CLSTN2: variants seen among roughly 807,000 people sequenced by gnomAD.
The protein encoded by CLSTN2 is calsyntenin 2, also known as calsyntenin-2.
Under a neutral mutation model 101.2 loss-of-function variants are expected in CLSTN2, and 48 were observed. That is an observed-to-expected ratio of 0.47 (90% CI 0.38 to 0.60). The LOEUF (loss-of-function observed/expected upper bound fraction) is 0.60, where lower values mean the gene tolerates loss of function less well. Among genes scored for constraint, CLSTN2 ranks in the 20% least tolerant of loss-of-function variants. The probability of loss-of-function intolerance (pLI) is 0.00; values close to 1 mark genes in which losing one functional copy is unlikely to be tolerated. For synonymous variants in CLSTN2, 481 were observed against 463.6 expected (o/e 1.04, Z -0.48); for missense variants, 1,160 against 1,238.2 (o/e 0.94, Z 0.95).
intron 2 of CLSTN2, among the ~76,000 whole-genome samples, chr3:140,332,100 G>A (rs572576550): frequency 6.6e-6 from 1 of 152,182 alleles, no homozygotes; most frequent in African/African-American, 2.4e-5. Context: ...CTGGGAGCCG[G>A]GGCAGGGTCC....
intron 2 of CLSTN2, among the ~76,000 whole-genome samples, chr3:140,324,491 A>C (rs1287843492): frequency 1.3e-5 from 2 of 152,236 alleles, no homozygotes; most frequent in Non-Finnish European, 2.9e-5. Context: ...GTATAGGGAA[A>C]AAGAATCTGC....
chr3:139,988,344 A>T (rs891335988), intron 1 of CLSTN2, among the ~76,000 whole-genome samples: 1 of 151,956 alleles, frequency 6.6e-6, no homozygotes, highest in Non-Finnish European at 1.5e-5. Flanking sequence ...GGCAAACTTC[A>T]CAGGTTAAAA....
intron 1 of CLSTN2, among the ~76,000 whole-genome samples, chr3:140,049,657 A>T (rs1025012163): frequency 6.6e-6 from 1 of 152,266 alleles, no homozygotes; most frequent in Admixed American, 6.5e-5. Context: ...CCTTTTGACC[A>T]CGTTGCTTCA....
chr3:140,460,303 G>A (rs1264595484), intron 7 of CLSTN2: 4 of 160,664 alleles, frequency 2.5e-5, no homozygotes, highest in African/African-American at 7.2e-5. Flanking sequence ...TTCACGGCTT[G>A]GTGGTTAAAA....
At chr3:140,351,661 T>G (rs1419025830) in intron 2 of CLSTN2, among the ~76,000 whole-genome samples, 1 of 152,080 alleles carries the variant, frequency 6.6e-6, no homozygotes, top group Admixed American at 6.5e-5. Flanking sequence ...AATGAACGGG[T>G]GTGAAAAACA....
chr3:140,134,731 C>T (rs1403783746), intron 1 of CLSTN2, among the ~76,000 whole-genome samples: 1 of 152,092 alleles, frequency 6.6e-6, no homozygotes, highest in Non-Finnish European at 1.5e-5. Context: ...CGGCGATCAT[C>T]AGTGTGAAGC....
intron 2 of CLSTN2, among the ~76,000 whole-genome samples, chr3:140,334,391 A>G (rs2087420708): frequency 6.6e-6 from 1 of 152,220 alleles, no homozygotes; most frequent in Non-Finnish European, 1.5e-5. Context: ...ATGAAAGAAC[A>G]GTGTTGGTGG....
At chr3:140,480,002 G>C (rs1327123746) in intron 8 of CLSTN2, among the ~76,000 whole-genome samples, 2 of 152,018 alleles carry the variant, frequency 1.3e-5, no homozygotes, top group Non-Finnish European at 1.5e-5. Context: ...TGCACAACGT[G>C]CAGGTTTGTT....
At chr3:139,965,896 ATCAACTTGCCCCG>A (rs1252129737) in intron 1 of CLSTN2, among the ~76,000 whole-genome samples, 6 of 152,170 alleles carry the variant, frequency 3.9e-5, no homozygotes, top group Admixed American at 2.0e-4. Flanking sequence ...CTTCTTCAAA[ATCAACTTGCCCCG>A]TCAACCCGTT....
intron 1 of CLSTN2, among the ~76,000 whole-genome samples, chr3:140,048,362 A>G (rs1193349924): frequency 5.3e-5 from 8 of 152,212 alleles, no homozygotes; most frequent in Non-Finnish European, 1.0e-4. Flanking sequence ...TTCTGGCACT[A>G]ACCAACAACT....
intron 1 of CLSTN2, among the ~76,000 whole-genome samples, chr3:140,088,753 C>T (rs1383899586): frequency 6.6e-6 from 1 of 152,212 alleles, no homozygotes; most frequent in Admixed American, 6.5e-5. Flanking sequence ...TGCCTCTCCC[C>T]TGGGTTTCTT....
intron 2 of CLSTN2, among the ~76,000 whole-genome samples, chr3:140,248,722 G>T (rs2107873785): frequency 6.6e-6 from 1 of 152,278 alleles, no homozygotes; most frequent in Non-Finnish European, 1.5e-5. Flanking sequence ...GGTCCTTATA[G>T]AATTCCTCCA....
chr3:140,199,393 C>A (rs1576464345), intron 2 of CLSTN2, among the ~76,000 whole-genome samples: 1 of 152,104 alleles, frequency 6.6e-6, no homozygotes, highest in Non-Finnish European at 1.5e-5. Flanking sequence ...TTGGGCTTCA[C>A]CCCTTAAAAA....
intron 8 of CLSTN2, among the ~76,000 whole-genome samples, chr3:140,529,232 C>T (rs540232515): frequency 2.6e-5 from 4 of 152,302 alleles, no homozygotes; most frequent in South Asian, 4.1e-4. Flanking sequence ...CCTTCCTGAA[C>T]GTGTATCCCT....
rs1014936914 is a variant in CLSTN2, at chr3:140,421,361, A to G, written c.787+87A>G. ...ACTTGTCCTCAAATCATCACAACAC[A>G]TAACTTTTTAAAGTACAGTCACTTT... On this transcript the variant is annotated intron_variant, in intron 5 of 16. Transcript: ENST00000458420. 10 of 1,482,020 alleles carry G rather than the reference A, an allele frequency of 6.7e-6. No homozygotes were observed. In the East Asian group the frequency reaches 6.9e-5, roughly 10 times the overall value. 91.8% of individuals were successfully genotyped at this position (1,482,020 alleles called of 1,614,324 possible). A position where few individuals can be genotyped will look rare whatever the true frequency, so the allele number is the denominator to read the frequency against.
At chr3:140,202,359 G>A (rs1253328826) in intron 2 of CLSTN2, among the ~76,000 whole-genome samples, 6 of 152,168 alleles carry the variant, frequency 3.9e-5, no homozygotes, top group African/African-American at 7.2e-5. Flanking sequence ...TTGGAAGGCC[G>A]AGCTAACAGG....
intron 9 of CLSTN2, among the ~76,000 whole-genome samples, chr3:140,533,019 C>T (rs531263283): frequency 2.0e-5 from 3 of 152,228 alleles, no homozygotes; most frequent in Non-Finnish European, 4.4e-5. Flanking sequence ...GCTCAGCCCT[C>T]AGTGCCTTCC....
intron 8 of CLSTN2, among the ~76,000 whole-genome samples, chr3:140,467,680 G>C (rs1412537941): frequency 1.3e-5 from 2 of 152,068 alleles, no homozygotes; most frequent in Non-Finnish European, 2.9e-5. Context: ...CCCACTGTGT[G>C]TACTACACTA....
chr3:140,369,827 G>C (rs2087831405), intron 2 of CLSTN2, among the ~76,000 whole-genome samples: 1 of 152,184 alleles, frequency 6.6e-6, no homozygotes, highest in African/African-American at 2.4e-5. Flanking sequence ...TCTATAGATG[G>C]ACACACATGG....
Sources: gnomAD v4.1 joint callset for allele counts (sites outside exome capture counted in the v4.1 genomes callset) on GRCh38, gnomAD v4.1.1 for gene constraint, MANE v1.5 for transcripts, NCBI Gene and HGNC (gene_info 2026-07-23, HGNC 2026-07-21) for gene names.